Variants in PAK5 observed in about 807,000 individuals in gnomAD.
The protein encoded by PAK5 is serine/threonine-protein kinase PAK 5.
Under a neutral mutation model 65.9 loss-of-function variants are expected in PAK5, and 16 were observed. The observed-to-expected ratio is 0.24, with a 90% CI of 0.16 to 0.37. The LOEUF (loss-of-function observed/expected upper bound fraction) is 0.37. Among genes scored for constraint, PAK5 ranks in the 10% least tolerant of loss-of-function variants. The pLI, the probability that PAK5 is intolerant of heterozygous loss-of-function variation, is 1.00. For synonymous variants in PAK5, 371 were observed against 354.9 expected (o/e 1.05, Z -0.51); for missense variants, 785 against 903.9 (o/e 0.87, Z 1.69).
chr20:9,684,362 G>A (rs2047690018), intron 2 of PAK5, among the ~76,000 whole-genome samples: 1 of 152,178 alleles, frequency 6.6e-6, no homozygotes, highest in Non-Finnish European at 1.5e-5. Context: ...TTAAATCACT[G>A]AGAATTTTGA....
At chr20:9,571,595 A>C (rs984637169) in intron 4 of PAK5, among the ~76,000 whole-genome samples, 2 of 152,194 alleles carry the variant, frequency 1.3e-5, no homozygotes, top group African/African-American at 4.8e-5. Context: ...TCATTGATTT[A>C]TAAGAATAAT....
intron 1 of PAK5, among the ~76,000 whole-genome samples, chr20:9,755,983 C>T (rs1383614513): frequency 6.6e-6 from 1 of 152,146 alleles, no homozygotes; most frequent in Non-Finnish European, 1.5e-5. Context: ...ATCACTGAAA[C>T]ATAGCTCCAT....
At chr20:9,783,540 C>T (rs945433372) in intron 1 of PAK5, among the ~76,000 whole-genome samples, 5 of 152,080 alleles carry the variant, frequency 3.3e-5, no homozygotes, top group African/African-American at 4.8e-5. Flanking sequence ...TCAACATCTT[C>T]GATTCTATTT....
At chr20:9,793,718 T>C (rs1237824439) in intron 1 of PAK5, among the ~76,000 whole-genome samples, 1 of 151,976 alleles carries the variant, frequency 6.6e-6, no homozygotes, top group African/African-American at 2.4e-5. Flanking sequence ...GGAACACTTT[T>C]ACACTGTTGA....
intron 2 of PAK5, among the ~76,000 whole-genome samples, chr20:9,709,292 C>G (rs1414865712): frequency 4.6e-5 from 7 of 152,124 alleles, no homozygotes. Flanking sequence ...GCACTGGTAG[C>G]TCTTTGCTTA....
chr20:9,601,296 G>C (rs551552294), intron 3 of PAK5, among the ~76,000 whole-genome samples: 1 of 152,154 alleles, frequency 6.6e-6, no homozygotes, highest in South Asian at 2.1e-4. Flanking sequence ...GAATTTCCAA[G>C]AATTTAGAAA....
chr20:9,573,745 C>T (rs1406985523), intron 4 of PAK5, among the ~76,000 whole-genome samples: 2 of 152,098 alleles, frequency 1.3e-5, no homozygotes, highest in African/African-American at 2.4e-5. Context: ...GGAGCGTGCT[C>T]GACTGGGGTG....
At chr20:9,659,472 A>G (rs1009521906) in intron 2 of PAK5, among the ~76,000 whole-genome samples, 7 of 152,216 alleles carry the variant, frequency 4.6e-5, no homozygotes, top group African/African-American at 1.7e-4. Flanking sequence ...AAAATAAGTT[A>G]CTGCTACCAC....
chr20:9,733,604 C>A (rs886421844), intron 1 of PAK5, among the ~76,000 whole-genome samples: 2 of 152,082 alleles, frequency 1.3e-5, no homozygotes, highest in Non-Finnish European at 2.9e-5. Context: ...GCCACCACAC[C>A]CAACTAATTT....
intron 3 of PAK5, among the ~76,000 whole-genome samples, chr20:9,605,712 C>A (rs1225665294): frequency 6.6e-6 from 1 of 152,110 alleles, no homozygotes; most frequent in East Asian, 1.9e-4. Context: ...GCGGATCACT[C>A]GAGACCAGGA....
At chr20:9,647,359 A>G (rs748169912) in intron 2 of PAK5, among the ~76,000 whole-genome samples, 12 of 152,226 alleles carry the variant, frequency 7.9e-5, no homozygotes, top group Non-Finnish European at 1.6e-4. Flanking sequence ...TCCGCTTGAC[A>G]GTTCAAGAAA....
intron 3 of PAK5, among the ~76,000 whole-genome samples, chr20:9,623,224 A>T (rs1362949701): frequency 1.3e-5 from 2 of 152,132 alleles, no homozygotes; most frequent in African/African-American, 4.8e-5. Flanking sequence ...GATACAGTTA[A>T]TATTATTGGG....
intron 3 of PAK5, among the ~76,000 whole-genome samples, chr20:9,605,256 G>A (rs1470767016): frequency 6.6e-6 from 1 of 152,174 alleles, no homozygotes; most frequent in African/African-American, 2.4e-5. Context: ...GCATTTCTGG[G>A]CAGGATTGTC....
chr20:9,710,732 CT>C (rs2048068149), intron 2 of PAK5, among the ~76,000 whole-genome samples: 1 of 152,196 alleles, frequency 6.6e-6, no homozygotes, highest in East Asian at 1.9e-4. Context: ...TTTCCAATAA[CT>C]TCCATCTTTA....
chr20:9,727,981 C>T (rs2123542770), intron 1 of PAK5, among the ~76,000 whole-genome samples: 1 of 152,206 alleles, frequency 6.6e-6, no homozygotes, highest in East Asian at 1.9e-4. Flanking sequence ...TGTTTAGAAA[C>T]CACCAAGATC....
intron 1 of PAK5, among the ~76,000 whole-genome samples, chr20:9,759,773 A>C (rs2048677513): frequency 6.6e-6 from 1 of 152,152 alleles, no homozygotes; most frequent in South Asian, 2.1e-4. Context: ...CAGGAAGAGA[A>C]TGTTGCCTGG....
chr20:9,741,309 T>A lies in PAK5; in HGVS notation c.-161-29874A>T, dbSNP rs116831858. ...GGAACAAGACAATCCAATACCTTAA[T>A]GAATTGTGCACACTCCTTTAGATTA... is the stretch of plus-strand genomic sequence containing the variant. On this transcript the variant is annotated intron_variant, in intron 1 of 9. Transcript: ENST00000353224. Among the ~76,000 whole-genome samples the A allele has an allele frequency of 8.6e-3, 1,313 of 152,218 alleles. 19 individuals carry two copies. The highest frequency in any genetic ancestry group is 0.03 in the African/African-American group (1,267 of 41,544).
chr20:9,668,748 C>G (rs1269906068), intron 2 of PAK5, among the ~76,000 whole-genome samples: 1 of 152,192 alleles, frequency 6.6e-6, no homozygotes, highest in Admixed American at 6.5e-5. Flanking sequence ...TGACTGACAT[C>G]ATCACCTCTG....
At chr20:9,606,197 G>T (rs893355019) in intron 3 of PAK5, among the ~76,000 whole-genome samples, 8 of 152,086 alleles carry the variant, frequency 5.3e-5, no homozygotes. Context: ...GTTCTCACAA[G>T]ATCTCAGTCT....
Sources: gnomAD v4.1 joint callset for allele counts (sites outside exome capture counted in the v4.1 genomes callset) on GRCh38, gnomAD v4.1.1 for gene constraint, MANE v1.5 for transcripts, NCBI Gene and HGNC (gene_info 2026-07-23, HGNC 2026-07-21) for gene names.